Variants in NEB observed in about 807,000 individuals in gnomAD.
NEB encodes the protein nemaline myopathy type 2.
In NEB, 512 loss-of-function variants were observed where a neutral mutation model predicts 952.2. The ratio of observed to expected loss-of-function variants is 0.54; its 90% CI spans 0.50 to 0.58. The LOEUF (loss-of-function observed/expected upper bound fraction) is 0.58, where lower values mean the gene tolerates loss of function less well. Ranked by LOEUF, NEB falls within the 20% of genes least tolerant of loss-of-function variation. NEB has a pLI of 0.00. For synonymous variants in NEB, 2,900 were observed against 3,149.8 expected (o/e 0.92, Z 2.66); for missense variants, 8,428 against 9,231.1 (o/e 0.91, Z 3.56).
chr2:151,617,473 A>C lies in NEB; in HGVS notation c.11077-5T>G, dbSNP rs1336290957. 1.2e-5 allele frequency: 4 copies of C among 339,052 alleles called. No individual in the cohort carries two copies. The South Asian group carries it at 1.6e-4, about 13-fold the overall frequency. The allele number at this position is 339,052 out of a possible 1,614,324, so 21.0% of individuals were successfully genotyped here. ...CCAGGCTTCAGTATATAAGCGCTAC[A>C]AAAAAAAAAAAAAAAGAGAGAGAGA... is the stretch of plus-strand genomic sequence containing the variant. On this transcript the variant is annotated splice_polypyrimidine_tract_variant and splice_region_variant and intron_variant, in intron 74 of 181. Transcript: ENST00000397345.
chr2:151,566,984 G>A (rs915629110), intron 114 of NEB, among the ~76,000 whole-genome samples, 184 bp downstream of exon 114: 1 of 152,190 alleles, frequency 6.6e-6, no homozygotes, highest in African/African-American at 2.4e-5. Flanking sequence ...AATGCAGTCA[G>A]TAGGCAAACC....
chr2:151,616,650 T>C (rs1292078406), intron 75 of NEB, among the ~76,000 whole-genome samples: 1 of 152,136 alleles, frequency 6.6e-6, no homozygotes, highest in African/African-American at 2.4e-5. Flanking sequence ...ACCAAAATTG[T>C]GCCACTGCAC....
chr2:151,522,293 T>C (rs2082459557), intron 153 of NEB, among the ~76,000 whole-genome samples: 1 of 152,230 alleles, frequency 6.6e-6, no homozygotes, highest in African/African-American at 2.4e-5. Context: ...TAAAAGTTTA[T>C]ACTGTTGATT....
At chr2:151,513,495 A>G in intron 160 of NEB, 85 bp downstream of exon 160, 1 of 963,546 alleles carries the variant, frequency 1.0e-6, no homozygotes, top group Non-Finnish European at 1.6e-6. Flanking sequence ...ACTGTCACCA[A>G]TAAATCAGAT....
intron 3 of NEB, among the ~76,000 whole-genome samples, chr2:151,732,077 T>C (rs559287425): frequency 6.6e-6 from 1 of 152,180 alleles, no homozygotes; most frequent in Admixed American, 6.5e-5. Flanking sequence ...AAAGAGAAAT[T>C]TTGGCACTGC....
intron 144 of NEB, among the ~76,000 whole-genome samples, 159 bp downstream of exon 144, chr2:151,531,633 G>A (rs2091066281): frequency 6.6e-6 from 1 of 151,946 alleles, no homozygotes; most frequent in Non-Finnish European, 1.5e-5. Context: ...ATTCTTTATT[G>A]GGGAGGAGAA....
At chr2:151,689,964 C>T (rs929963355) in intron 24 of NEB, 2 of 152,184 alleles carry the variant, frequency 1.3e-5, no homozygotes, top group Non-Finnish European at 2.9e-5. Flanking sequence ...ACTTACCTAT[C>T]TTGAGAAGGA....
intron 73 of NEB, among the ~76,000 whole-genome samples, 160 bp from the exon 74 acceptor site, chr2:151,618,638 T>C (rs2098285557): frequency 6.6e-6 from 1 of 151,692 alleles, no homozygotes; most frequent in Admixed American, 6.6e-5. Flanking sequence ...CCTAAGTGTA[T>C]TTTTTTTTCT....
At chr2:151,724,038 G>A (rs192826362) in intron 8 of NEB, among the ~76,000 whole-genome samples, 1 of 152,066 alleles carries the variant, frequency 6.6e-6, no homozygotes, top group East Asian at 1.9e-4. Context: ...CTGCCCCCAG[G>A]TTGCTCAGGT....
Position 151,567,273 on chromosome 2 carries a change from G to T in NEB, c.18051C>A (p.Thr6017=), listed in dbSNP as rs1004668781. ...VSVLAAKQGQ[T]LVSDIDYRNY... Reference sequence around the variant, plus strand: ...TACGATAATCAATATCACTGACAAGGGTCTGCCCCTGCTTGGCGGCCAAGA... The same window carrying T: ...TACGATAATCAATATCACTGACAAGTGTCTGCCCCTGCTTGGCGGCCAAGA... The change falls in exon 114 of 182, where the codon ACC becomes ACA. Residue 6017 remains threonine (T), a synonymous_variant. Coordinates refer to ENST00000397345, the MANE Select transcript of NEB (RefSeq NM_001164508.2). 8.7e-6 allele frequency: 14 copies of T among 1,613,790 alleles called. No individual in the cohort carries two copies. The highest frequency in any genetic ancestry group is 1.2e-5 in the Non-Finnish European group (14 of 1,179,824).
chr2:151,547,111 A>G (rs779960914), intron 133 of NEB, among the ~76,000 whole-genome samples: 1 of 152,162 alleles, frequency 6.6e-6, no homozygotes, highest in Non-Finnish European at 1.5e-5. Flanking sequence ...AATACTCAAC[A>G]TGACCTGGGA....
chr2:151,702,755 G>A (rs2099680598), intron 13 of NEB, among the ~76,000 whole-genome samples: 1 of 152,120 alleles, frequency 6.6e-6, no homozygotes, highest in African/African-American at 2.4e-5. Flanking sequence ...TTGAGCCTAT[G>A]TGTGTCTCTG....
intron 167 of NEB, 99 bp downstream of exon 167, chr2:151,502,694 T>C: frequency 1.4e-6 from 1 of 736,986 alleles, no homozygotes; most frequent in Non-Finnish European, 2.3e-6. Context: ...TTGGTATCAT[T>C]ATTTTCATTA....
At chr2:151,549,067 G>A (rs1003270388) in intron 130 of NEB, among the ~76,000 whole-genome samples, 1 of 152,212 alleles carries the variant, frequency 6.6e-6, no homozygotes, top group African/African-American at 2.4e-5. Context: ...AAGTGGAGAA[G>A]GGCAACATGA....
chr2:151,497,573 A>AAAG (rs371857325), intron 171 of NEB, 53 bp downstream of exon 171: 1 of 1,535,798 alleles, frequency 6.5e-7, no homozygotes, highest in Admixed American at 2.0e-5. Context: ...TTAAATCATG[A>AAAG]AAGTTTTCAA....
At chr2:151,572,936 T>C (rs575732128) in intron 107 of NEB, among the ~76,000 whole-genome samples, 1 of 150,102 alleles carries the variant, frequency 6.7e-6, no homozygotes, top group Admixed American at 6.6e-5. Context: ...TTTGAGAACA[T>C]GGGAAAATTT....
At chr2:151,727,931 C>A (rs1412609837) in intron 4 of NEB, 25 bp from the exon 5 acceptor site, 1 of 1,581,186 alleles carries the variant, frequency 6.3e-7, no homozygotes, top group Non-Finnish European at 8.7e-7. Flanking sequence ...TGCAGTTCAA[C>A]ATTGTTGTGA....
intron 154 of NEB, 88 bp from the exon 155 acceptor site, chr2:151,519,157 A>G (rs1267848508): frequency 4.7e-6 from 4 of 855,652 alleles, no homozygotes; most frequent in African/African-American, 1.7e-5. Flanking sequence ...CCCATCGTCA[A>G]ACAAATGCTG....
Position 151,497,633 on chromosome 2 carries a change from A to C in NEB, c.24293T>G (p.Ile8098Ser). ...MERVKHNQEN[I>S]SSVLYKENMG... The stretch of plus-strand genomic sequence containing the variant: ...CTTTTCTTGCCAAAGTACCGAGCTA[A>C]TATTTTCTTGATTGTGTTTGACTCT... Residue 8098 changes from isoleucine to serine, a missense_variant, in exon 171 of 182, where the codon ATT becomes AGT. Ile to Ser is a moderately radical substitution (Grantham distance 142). This residue lies in a region of NEB where 3,374 missense variants were observed against 3,651.5 expected (regional missense o/e 0.92). Transcript: ENST00000397345. 1 of 1,574,438 alleles carries C rather than the reference A, an allele frequency of 6.4e-7. No individual in the cohort carries two copies. Among genetic ancestry groups the C allele is most frequent in the East Asian group, 2.3e-5 (1 of 43,726 alleles).
Sources: allele counts gnomAD v4.1 joint callset (sites outside exome capture counted in the v4.1 genomes callset), GRCh38; gene constraint gnomAD v4.1.1; regional missense constraint gnomAD v4.1.1; transcripts MANE v1.5; gene names NCBI Gene and HGNC (gene_info 2026-07-23, HGNC 2026-07-21).